The following CTNNA2 variants were observed in gnomAD, a reference collection of about 807,000 sequenced individuals.
CTNNA2 encodes the protein catenin alpha-2.
A neutral mutation model predicts 101.0 loss-of-function variants in CTNNA2; 42 were observed. The ratio of observed to expected loss-of-function variants is 0.42; its 90% CI spans 0.32 to 0.54. CTNNA2 has a LOEUF of 0.54. Among genes scored for constraint, CTNNA2 ranks in the 20% least tolerant of loss-of-function variants. The pLI, the probability that CTNNA2 is intolerant of heterozygous loss-of-function variation, is 0.14. For synonymous variants in CTNNA2, 450 were observed against 456.4 expected (o/e 0.99, Z 0.18); for missense variants, 871 against 1,223.1 (o/e 0.71, Z 4.29).
chr2:80,613,681 G>T (rs1023831886), intron 17 of CTNNA2, among the ~76,000 whole-genome samples: 3 of 151,370 alleles, frequency 2.0e-5, no homozygotes, highest in Admixed American at 6.6e-5. Context: ...TTATCTAACT[G>T]AATTGTTTAA....
intron 1 of CTNNA2, among the ~76,000 whole-genome samples, chr2:79,606,497 T>A (rs1473591807): frequency 6.6e-6 from 1 of 152,102 alleles, no homozygotes; most frequent in Non-Finnish European, 1.5e-5. Flanking sequence ...CTCCACCTCC[T>A]GACATCCTGA....
intron 9 of CTNNA2, among the ~76,000 whole-genome samples, chr2:80,493,993 A>G (rs1015544391): frequency 2.0e-5 from 3 of 152,338 alleles, no homozygotes; most frequent in South Asian, 4.1e-4. Context: ...TGAAGGTTGG[A>G]TAAGTGGATA....
intron 3 of CTNNA2, among the ~76,000 whole-genome samples, chr2:79,788,963 A>G (rs1389060399): frequency 2.0e-5 from 3 of 152,222 alleles, no homozygotes; most frequent in African/African-American, 7.2e-5. Context: ...TCTAATGGTA[A>G]GATAAACATA....
chr2:79,586,904 G>T, intron 1 of CTNNA2, among the ~76,000 whole-genome samples: 1 of 151,554 alleles, frequency 6.6e-6, no homozygotes, highest in Middle Eastern at 3.4e-3. Context: ...CCAATTATGA[G>T]TGAGAACATA....
chr2:80,118,555 T>G (rs143098637), intron 7 of CTNNA2, among the ~76,000 whole-genome samples: 262 of 152,334 alleles, frequency 1.7e-3, no homozygotes, highest in African/African-American at 6.2e-3. Context: ...TTTGGTAAAA[T>G]GCAAGCTGTG....
intron 7 of CTNNA2, among the ~76,000 whole-genome samples, chr2:80,127,755 T>C (rs1702215738): frequency 1.3e-5 from 2 of 152,154 alleles, no homozygotes; most frequent in African/African-American, 4.8e-5. Flanking sequence ...TAATGCCAAA[T>C]GTGTCATTTT....
Position 79,874,160 on chromosome 2 carries a change from T to G in CTNNA2, c.670T>G (p.Ser224Ala). 6.2e-7 allele frequency: 1 copy of G among 1,614,162 alleles called. No homozygotes were observed. The highest frequency in any genetic ancestry group is 2.2e-5 in the East Asian group (1 of 44,858). ...KKNATMLYTA[S>A]QAFLRHPDVA... is the part of the protein sequence containing the mutation. ...GAATGCCACAATGCTGTACACGGCC[T>G]CTCAAGCATTTCTCCGCCACCCAGA... The change falls in exon 6 of 19, where the codon TCT (serine) becomes GCT (alanine). Residue 224 changes from serine (S) to alanine (A), a missense_variant. Ser to Ala is a moderately conservative substitution (Grantham distance 99). This residue lies in a region of CTNNA2 where 647 missense variants were observed against 831.5 expected (regional missense o/e 0.78). Coordinates refer to ENST00000402739, the MANE Select transcript of CTNNA2 (RefSeq NM_001282597.3).
intron 7 of CTNNA2, among the ~76,000 whole-genome samples, chr2:80,025,688 G>T (rs941122721): frequency 6.6e-6 from 1 of 152,190 alleles, no homozygotes; most frequent in African/African-American, 2.4e-5. Flanking sequence ...TGTTGGCAAA[G>T]ATTTCAATAT....
chr2:79,416,027 C>T (rs62159396), intron 4 of CTNNA2, among the ~76,000 whole-genome samples: 3,278 of 152,040 alleles, frequency 0.022, 34 homozygotes, highest in Middle Eastern at 0.054. Flanking sequence ...TAGATAAACA[C>T]GGCAGGTAAA....
At chr2:80,641,137 G>A (rs1175337881) in intron 18 of CTNNA2, among the ~76,000 whole-genome samples, 1 of 152,128 alleles carries the variant, frequency 6.6e-6, no homozygotes, top group Non-Finnish European at 1.5e-5. Context: ...GGCCCAAATG[G>A]AACTGGTTCC....
At chr2:79,488,714 C>T (rs1009646909) in intron 4 of CTNNA2, among the ~76,000 whole-genome samples, 2 of 152,132 alleles carry the variant, frequency 1.3e-5, no homozygotes, top group African/African-American at 2.4e-5. Flanking sequence ...TGAACAATTT[C>T]TTGAAAGTAT....
At chr2:79,228,501 G>A (rs555273146) in intron 2 of CTNNA2, among the ~76,000 whole-genome samples, 14 of 152,090 alleles carry the variant, frequency 9.2e-5, no homozygotes, top group South Asian at 2.1e-4. Context: ...GTCTGTTGAC[G>A]AGTGATGCTG....
intron 14 of CTNNA2, among the ~76,000 whole-genome samples, chr2:80,587,092 C>A (rs1406591783): frequency 6.6e-6 from 1 of 152,046 alleles, no homozygotes; most frequent in Admixed American, 6.6e-5. Flanking sequence ...TAAGAATGAT[C>A]TTAGTTCAGG....
chr2:80,493,926 C>A (rs1687248127), intron 9 of CTNNA2, among the ~76,000 whole-genome samples: 3 of 152,136 alleles, frequency 2.0e-5, no homozygotes, highest in African/African-American at 7.2e-5. Flanking sequence ...GAAGTGGTTT[C>A]TACACTATAA....
At chr2:80,384,362 T>G (rs1472114840) in intron 7 of CTNNA2, among the ~76,000 whole-genome samples, 1 of 151,910 alleles carries the variant, frequency 6.6e-6, no homozygotes, top group African/African-American at 2.4e-5. Context: ...ACAAAATCCT[T>G]GTGACATGAG....
chr2:79,752,427 C>G (rs1325090916), intron 3 of CTNNA2, among the ~76,000 whole-genome samples: 1 of 152,094 alleles, frequency 6.6e-6, no homozygotes, highest in Non-Finnish European at 1.5e-5. Flanking sequence ...TTTAGCTAGA[C>G]AGGTGTCATT....
At chr2:79,697,565 C>A (rs1278968429) in intron 2 of CTNNA2, among the ~76,000 whole-genome samples, 1 of 152,000 alleles carries the variant, frequency 6.6e-6, no homozygotes, top group Non-Finnish European at 1.5e-5. Flanking sequence ...CATTGCAGAC[C>A]TCCTTGCCTG....
chr2:80,229,841 C>A (rs909246658), intron 7 of CTNNA2, among the ~76,000 whole-genome samples: 1 of 152,098 alleles, frequency 6.6e-6, no homozygotes, highest in Non-Finnish European at 1.5e-5. Flanking sequence ...AAAAGACACT[C>A]CTTTCACTTT....
chr2:79,236,587 G>C (rs544596238), intron 2 of CTNNA2, among the ~76,000 whole-genome samples: 1 of 152,316 alleles, frequency 6.6e-6, no homozygotes, highest in African/African-American at 2.4e-5. Flanking sequence ...AATGCTGTCT[G>C]ATAGCCTTTC....
Sources: gnomAD v4.1 joint callset for allele counts (sites outside exome capture counted in the v4.1 genomes callset) on GRCh38, gnomAD v4.1.1 for gene constraint, gnomAD v4.1.1 regional missense constraint, MANE v1.5 for transcripts, NCBI Gene and HGNC (gene_info 2026-07-23, HGNC 2026-07-21) for gene names.